Variants in SH3GL2 observed in about 807,000 individuals in gnomAD.
SH3GL2 encodes the protein endophilin-A1.
Under a neutral mutation model 46.0 loss-of-function variants are expected in SH3GL2, and 24 were observed. The ratio of observed to expected loss-of-function variants is 0.52; its 90% CI spans 0.38 to 0.73. SH3GL2 has a LOEUF of 0.73. Ranked by LOEUF, SH3GL2 falls within the 30% of genes least tolerant of loss-of-function variation. SH3GL2 has a pLI of 0.00. For synonymous variants in SH3GL2, 196 were observed against 147.1 expected (o/e 1.33, Z -2.40); for missense variants, 413 against 424.2 (o/e 0.97, Z 0.23).
intron 1 of SH3GL2, among the ~76,000 whole-genome samples, chr9:17,626,568 T>C (rs1315279145): frequency 1.3e-5 from 2 of 152,248 alleles, no homozygotes; most frequent in Admixed American, 1.3e-4. Context: ...GGCAGTCTAG[T>C]GCAGTTACTT....
At chr9:17,596,476 G>T (rs192358037) in intron 1 of SH3GL2, among the ~76,000 whole-genome samples, 8 of 152,174 alleles carry the variant, frequency 5.3e-5, no homozygotes, top group Admixed American at 3.3e-4. Context: ...TTGGTAATTT[G>T]GTGTGAGCTG....
intron 1 of SH3GL2, among the ~76,000 whole-genome samples, chr9:17,732,384 G>A (rs1337146537): frequency 6.6e-6 from 1 of 152,074 alleles, no homozygotes; most frequent in Admixed American, 6.6e-5. Context: ...GGAAGGATAA[G>A]CAGATCAAAT....
At chr9:17,758,577 A>AAAAAAAAAAAAAAAAAC (rs1823075415) in intron 2 of SH3GL2, among the ~76,000 whole-genome samples, 1 of 134,466 alleles carries the variant, frequency 7.4e-6, no homozygotes, top group Non-Finnish European at 1.5e-5. Flanking sequence ...AAAAAAAAAA[A>AAAAAAAAAAAAAAAAAC]AAAAAAAAAA....
intron 2 of SH3GL2, among the ~76,000 whole-genome samples, chr9:17,756,074 A>G (rs572805372): frequency 3.9e-5 from 6 of 152,264 alleles, no homozygotes; most frequent in African/African-American, 1.2e-4. Flanking sequence ...CTCCTTGCCA[A>G]TGCTGTCAAA....
chr9:17,694,202 C>G (rs1821150134), intron 1 of SH3GL2, among the ~76,000 whole-genome samples: 1 of 152,084 alleles, frequency 6.6e-6, no homozygotes, highest in African/African-American at 2.4e-5. Flanking sequence ...TTAATTGACT[C>G]ACAGTTCCAC....
In SH3GL2 at chr9:17,755,794, C is replaced by T. The variant is rs185790985; in HGVS notation, c.115-5643C>T. The T allele has an allele frequency of 3.0e-6, 3 of 984,758 alleles. No homozygotes were observed. In the East Asian group the frequency reaches 3.4e-4, roughly 112 times the overall value. The allele number at this position is 984,758 out of a possible 1,614,324, so 61.0% of individuals were successfully genotyped here. On this transcript the variant is annotated intron_variant, in intron 2 of 8. Transcript: ENST00000380607. ...CCACGCTGTTCACGAGTCCTTACAC[C>T]TAAGTTCAGGAAATACCAACTTTTC... is the stretch of plus-strand genomic sequence containing the variant.
At chr9:17,603,100 G>C (rs1818699422) in intron 1 of SH3GL2, among the ~76,000 whole-genome samples, 1 of 152,206 alleles carries the variant, frequency 6.6e-6, no homozygotes. Context: ...CTGTGTTGGA[G>C]AGGTCACCTT....
intron 1 of SH3GL2, among the ~76,000 whole-genome samples, chr9:17,608,626 A>G (rs1023780974): frequency 6.6e-6 from 1 of 152,200 alleles, no homozygotes; most frequent in Non-Finnish European, 1.5e-5. Flanking sequence ...TAGGCAAAGT[A>G]TTATCAGGAA....
At chr9:17,724,551 T>A (rs1043640988) in intron 1 of SH3GL2, among the ~76,000 whole-genome samples, 1 of 152,054 alleles carries the variant, frequency 6.6e-6, no homozygotes, top group African/African-American at 2.4e-5. Context: ...TGTCACATTT[T>A]CCTGGGGGTG....
chr9:17,634,153 T>A (rs955135899), intron 1 of SH3GL2, among the ~76,000 whole-genome samples: 11 of 151,962 alleles, frequency 7.2e-5, no homozygotes, highest in Non-Finnish European at 1.5e-4. Flanking sequence ...TGGAGACCAC[T>A]GGTACCCTCA....
intron 2 of SH3GL2, among the ~76,000 whole-genome samples, chr9:17,751,506 GTGTT>G (rs1822844411): frequency 6.8e-6 from 1 of 146,584 alleles, no homozygotes; most frequent in African/African-American, 2.5e-5. Context: ...GTGTGTGTGT[GTGTT>G]TTGCCTCAGC....
chr9:17,700,883 C>A (rs1821328157), intron 1 of SH3GL2, among the ~76,000 whole-genome samples: 1 of 152,132 alleles, frequency 6.6e-6, no homozygotes, highest in East Asian at 1.9e-4. Flanking sequence ...ATTATGTTTG[C>A]ACCAACCTAA....
Position 17,590,609 on chromosome 9 carries a change from A to G in SH3GL2, c.45+11322A>G, listed in dbSNP as rs146454012. The G allele has an allele frequency of 6.6e-5, 10 of 152,314 alleles. No individual in the cohort carries two copies. In the East Asian group the frequency reaches 1.7e-3, roughly 27 times the overall value. The allele number at this position is 152,314 out of a possible 1,614,324, so 9.4% of individuals were successfully genotyped here. A position where few individuals can be genotyped will look rare whatever the true frequency, so the allele number is the denominator to read the frequency against. The stretch of plus-strand genomic sequence containing the variant: ...TGATCATTATATTCACCTTAAACCC[A>G]GTCCAAATTTTGCAGATATATTTAT... On this transcript the variant is annotated intron_variant, in intron 1 of 8. Coordinates refer to ENST00000380607, the MANE Select transcript of SH3GL2 (RefSeq NM_003026.5).
chr9:17,731,747 G>A (rs1228558539), intron 1 of SH3GL2, among the ~76,000 whole-genome samples: 1 of 152,126 alleles, frequency 6.6e-6, no homozygotes, highest in African/African-American at 2.4e-5. Flanking sequence ...GTCCAAAGGG[G>A]CTTGCAGGTT....
chr9:17,693,354 C>G (rs1182627880), intron 1 of SH3GL2, among the ~76,000 whole-genome samples: 3 of 152,062 alleles, frequency 2.0e-5, no homozygotes, highest in East Asian at 3.9e-4. Flanking sequence ...TTAATGGATG[C>G]TCTTTTGGTT....
At chr9:17,646,769 C>CCAGATG (rs1819829057) in intron 1 of SH3GL2, among the ~76,000 whole-genome samples, 2 of 152,134 alleles carry the variant, frequency 1.3e-5, no homozygotes, top group South Asian at 4.1e-4. Flanking sequence ...GGGGCAACTG[C>CCAGATG]CAGATGCCAG....
At chr9:17,670,434 A>G (rs1047287732) in intron 1 of SH3GL2, among the ~76,000 whole-genome samples, 3 of 152,226 alleles carry the variant, frequency 2.0e-5, no homozygotes, top group African/African-American at 4.8e-5. Flanking sequence ...GTTTAGTTAT[A>G]TAAGAAACTG....
chr9:17,662,156 G>T (rs1319767526), intron 1 of SH3GL2, among the ~76,000 whole-genome samples: 1 of 152,172 alleles, frequency 6.6e-6, no homozygotes, highest in Admixed American at 6.5e-5. Context: ...GTTAGATCCT[G>T]TTGGTTGATG....
intron 1 of SH3GL2, among the ~76,000 whole-genome samples, chr9:17,588,410 C>T (rs1287755632): frequency 6.6e-6 from 1 of 152,160 alleles, no homozygotes; most frequent in Non-Finnish European, 1.5e-5. Context: ...TATGATTGGA[C>T]TTAATCTAAT....
Sources: gnomAD v4.1 joint callset for allele counts (sites outside exome capture counted in the v4.1 genomes callset) on GRCh38, gnomAD v4.1.1 for gene constraint, MANE v1.5 for transcripts, NCBI Gene and HGNC (gene_info 2026-07-23, HGNC 2026-07-21) for gene names.